GNL3: variants seen among roughly 807,000 people sequenced by gnomAD.
GNL3 encodes the protein guanine nucleotide-binding protein-like 3.
A neutral mutation model predicts 70.6 loss-of-function variants in GNL3; 77 were observed. The ratio of observed to expected loss-of-function variants is 1.09; its 90% CI spans 0.91 to 1.32. The LOEUF (loss-of-function observed/expected upper bound fraction) is 1.32. Among genes scored for constraint, GNL3 ranks in the 40% most tolerant of loss-of-function variants. The pLI, the probability that GNL3 is intolerant of heterozygous loss-of-function variation, is 0.00. For missense variants in GNL3, 634 were observed against 644.0 expected (o/e 0.98, Z 0.17); for synonymous variants, 252 against 216.1 (o/e 1.17, Z -1.46).
In GNL3 at chr3:52,692,878, G is replaced by C. The variant is rs776632750; in HGVS notation, c.876G>C (p.Met292Ile). ...VGVSMGLTRSMQVVPLDKQIT... is the reference protein window; with the variant it reads ...VGVSMGLTRSIQVVPLDKQIT... ...TCCATCGCTCTTCTTTCAGGAGCAT[G>C]CAAGTTGTCCCCTTGGACAAACAGA... The change falls in exon 10 of 15, where the codon ATG becomes ATC. Residue 292 changes from methionine (M) to isoleucine (I), a missense_variant. Transcript: ENST00000418458. 4 of 1,611,540 alleles carry C rather than the reference G, an allele frequency of 2.5e-6. No individual in the cohort carries two copies. The highest frequency in any genetic ancestry group is 8.5e-7 in the Non-Finnish European group (1 of 1,178,384).
intron 13 of GNL3, 72 bp from the exon 14 acceptor site, chr3:52,693,965 G>C: frequency 7.2e-7 from 1 of 1,385,514 alleles, no homozygotes; most frequent in Non-Finnish European, 1.0e-6. Flanking sequence ...TAATTTTTCA[G>C]GTACATAACT....
At position 52,690,975 on chromosome 3, in the gene GNL3, T is replaced by C. The variant is rs765069511; in HGVS notation, c.685T>C (p.Phe229Leu). Residue 229 changes from phenylalanine to leucine, a missense_variant, in exon 8 of 15, where the codon TTC becomes CTC. By Grantham distance (22) the Phe-to-Leu change is conservative (BLOSUM62 0). Coordinates refer to ENST00000418458, the MANE Select transcript of GNL3 (RefSeq NM_014366.5). ...RVKAKKNAAP[F>L]RSEVCFGKEG... Reference sequence around the variant, plus strand: ...GAAGGCAAAGAAGAATGCTGCTCCATTCAGAAGTGAAGTCTGCTTTGGGAA... The same window carrying C: ...GAAGGCAAAGAAGAATGCTGCTCCACTCAGAAGTGAAGTCTGCTTTGGGAA... 3 of 1,613,952 alleles carry C rather than the reference T, an allele frequency of 1.9e-6. No homozygotes were observed. The highest frequency in any genetic ancestry group is 2.5e-6 in the Non-Finnish European group (3 of 1,179,804).
intron 6 of GNL3, 35 bp from the exon 7 acceptor site, chr3:52,690,557 C>T: frequency 1.6e-6 from 2 of 1,267,942 alleles, no homozygotes; most frequent in Non-Finnish European, 1.2e-6. Flanking sequence ...GCCACCGTGC[C>T]TGGCCGCAAA....
chr3:52,685,990 T>C, upstream of GNL3: 1 of 768,312 alleles, frequency 1.3e-6, no homozygotes, highest in Non-Finnish European at 2.4e-6. Flanking sequence ...GTGACGCACT[T>C]TACGGCGGCA....
chr3:52,690,652 CAGT>C lies in GNL3; in HGVS notation c.603_605del (p.Val203del). ...AATTATTTGAAGAAAGAATTGCCAA[CAGT>C]GGTGTTCAGAGCCTCAACAAAACCA... On this transcript the variant is annotated inframe_deletion, in exon 7 of 15. Transcript: ENST00000418458. The C allele has an allele frequency of 6.2e-7, 1 of 1,610,986 alleles. No homozygotes were observed. Among genetic ancestry groups the C allele is most frequent in the African/African-American group, 1.3e-5 (1 of 74,958 alleles).
In GNL3 at chr3:52,694,443, C is replaced by T. The variant is rs1330921388; in HGVS notation, c.*168C>T. On this transcript the variant is annotated 3_prime_UTR_variant, in exon 15 of 15. Coordinates refer to ENST00000418458, the MANE Select transcript of GNL3 (RefSeq NM_014366.5). The stretch of plus-strand genomic sequence containing the variant: ...AATTCTGTAAAAAGACAATTCATCT[C>T]ATTGTGAGTGGAAGTAGTTATCTGG... 2 of 584,328 alleles carry T rather than the reference C, an allele frequency of 3.4e-6. No homozygotes were observed. The highest frequency in any genetic ancestry group is 6.1e-6 in the Non-Finnish European group (2 of 328,982). 36.2% of individuals were successfully genotyped at this position (584,328 alleles called of 1,614,324 possible). A position where few individuals can be genotyped will look rare whatever the true frequency, so the allele number is the denominator to read the frequency against.
In GNL3 at chr3:52,686,066, G is replaced by A. The variant is rs755470156; in HGVS notation, c.-27G>A. ...GTGGCGCCAGCGGAGGCAGGTTGAT[G>A]TGTTTGTGCTTCCTTCTACAGCCAA... is the stretch of plus-strand genomic sequence containing the variant. On this transcript the variant is annotated 5_prime_UTR_variant, in exon 1 of 15. It adds an upstream start codon to the 5' untranslated region. Transcript: ENST00000418458. 3 of 1,046,104 alleles carry A rather than the reference G, an allele frequency of 2.9e-6. No homozygotes were observed. The highest frequency in any genetic ancestry group is 1.6e-5 in the African/African-American group (1 of 64,350). 64.8% of individuals were successfully genotyped at this position (1,046,104 alleles called of 1,614,324 possible).
At chr3:52,686,905 G>A (rs1578563858) in intron 2 of GNL3, 78 bp downstream of exon 2, 1 of 1,101,368 alleles carries the variant, frequency 9.1e-7, no homozygotes, top group East Asian at 2.4e-5. Flanking sequence ...GGGAAAGTCT[G>A]GGTTAATGTG....
rs1223450175 is a variant in GNL3, at chr3:52,687,368, G to A, written c.195G>A (p.Glu65=). The change falls in exon 3 of 15, where the codon GAG becomes GAA. Residue 65 remains glutamate (E), a synonymous_variant. Transcript: ENST00000418458. The part of the protein sequence containing the change: ...PFKEALLREA[E]LRKQRLEELK... ...AGGAGGCTCTTCTTAGGGAAGCTGA[G>A]CTAAGGAAACAGAGGGTAAGTTATG... 1.9e-6 allele frequency: 3 copies of A among 1,613,668 alleles called. No individual in the cohort carries two copies. Among genetic ancestry groups the A allele is most frequent in the East Asian group, 2.2e-5 (1 of 44,894 alleles).
At position 52,692,955 on chromosome 3, in the gene GNL3, C is replaced by T. The variant is rs1441261440; in HGVS notation, c.953C>T (p.Ser318Phe). 5.0e-6 allele frequency: 8 copies of T among 1,613,592 alleles called. No homozygotes were observed. The highest frequency in any genetic ancestry group is 6.8e-6 in the Non-Finnish European group (8 of 1,179,590). Residue 318 changes from serine to phenylalanine, a missense_variant, in exon 10 of 15, where the codon TCT (serine) becomes TTT (phenylalanine). Physicochemically the swap from Ser to Phe is radical, Grantham distance 155. Transcript: ENST00000418458. ...ATCGTATCTCCACTTAATTCCTCCT[C>T]TGCGCTTGCTCTGCGAAGTCCAGCA... ...SFIVSPLNSSSALALRSPASI... is the reference protein window; with the variant it reads ...SFIVSPLNSSFALALRSPASI...
Position 52,687,623 on chromosome 3 carries a change from T to C in GNL3, c.324+8T>C. 1.3e-6 allele frequency: 2 copies of C among 1,504,582 alleles called. No homozygotes were observed. Among genetic ancestry groups the C allele is most frequent in the South Asian group, 1.1e-5 (1 of 88,460 alleles). The allele number at this position is 1,504,582 out of a possible 1,614,324, so 93.2% of individuals were successfully genotyped here. ...GTGGAACCTATGGAAAAGGTATGATTAGGTCTCTTTATGAATGAGAGATCA... is the reference window on the plus strand; with the variant it reads ...GTGGAACCTATGGAAAAGGTATGATCAGGTCTCTTTATGAATGAGAGATCA... On this transcript the variant is annotated splice_region_variant and intron_variant, in intron 4 of 14. Coordinates refer to ENST00000418458, the MANE Select transcript of GNL3 (RefSeq NM_014366.5).
intron 1 of GNL3, 132 bp from the exon 2 acceptor site, chr3:52,686,637 C>T: frequency 1.5e-6 from 1 of 671,908 alleles, no homozygotes; most frequent in Non-Finnish European, 2.6e-6. Flanking sequence ...CGTATGTTTG[C>T]ATTAGGCATT....
In GNL3 at chr3:52,693,174, T is replaced by C; in HGVS notation, c.1045-13T>C. The C allele has an allele frequency of 3.4e-6, 5 of 1,457,968 alleles. No homozygotes were observed. Among genetic ancestry groups the C allele is most frequent in the Non-Finnish European group, 2.8e-6 (3 of 1,068,736 alleles). The allele number at this position is 1,457,968 out of a possible 1,614,324, so 90.3% of individuals were successfully genotyped here. ...GATGAAGGACAGCTCCTTTGTTTGG[T>C]TTTTTTTTTAAGGTAGTACTGAAAT... On this transcript the variant is annotated splice_polypyrimidine_tract_variant and intron_variant, in intron 10 of 14. Transcript: ENST00000418458.
intron 5 of GNL3, among the ~76,000 whole-genome samples, chr3:52,688,622 G>A (rs1200832178): frequency 2.6e-5 from 4 of 152,132 alleles, no homozygotes; most frequent in Non-Finnish European, 2.9e-5. Context: ...TCAGGCTAAA[G>A]GTCTCTAAAG....
At chr3:52,686,863 A>G (rs767048778) in intron 2 of GNL3, 36 bp downstream of exon 2, 2 of 1,453,036 alleles carry the variant, frequency 1.4e-6, no homozygotes, top group Admixed American at 3.4e-5. Flanking sequence ...TACCAAACAC[A>G]TTGCTAAACT....
At position 52,686,779 on chromosome 3, in the gene GNL3, A is replaced by G. The variant is rs1161634567; in HGVS notation, c.24A>G (p.Lys8=). 6.8e-6 allele frequency: 11 copies of G among 1,611,940 alleles called. No individual in the cohort carries two copies. Among genetic ancestry groups the G allele is most frequent in the Non-Finnish European group, 8.5e-7 (1 of 1,178,058 alleles). The part of the protein sequence containing the change: MKRPKLK[K]ASKRMTCHKR... ...TGTGTTTCTTTGTAGAGTTAAAGAA[A>G]GCAAGTAAACGCATGACCTGCCATA... Residue 8 remains lysine (K), a synonymous_variant, in exon 2 of 15, where the codon AAA becomes AAG. Coordinates refer to ENST00000418458, the MANE Select transcript of GNL3 (RefSeq NM_014366.5).
chr3:52,693,969 C>A, intron 13 of GNL3, 68 bp from the exon 14 acceptor site: 1 of 1,411,648 alleles, frequency 7.1e-7, no homozygotes, highest in Non-Finnish European at 1.0e-6. Flanking sequence ...TTTTCAGGTA[C>A]ATAACTACTT....
intron 1 of GNL3, 111 bp from the exon 2 acceptor site, chr3:52,686,658 C>T: frequency 1.3e-6 from 1 of 780,754 alleles, no homozygotes; most frequent in South Asian, 1.6e-5. Context: ...TCGCATTAGA[C>T]TTAACGTTAG....
Position 52,688,151 on chromosome 3 carries a change from A to C in GNL3, c.367A>C (p.Lys123Gln). 4 of 1,611,984 alleles carry C rather than the reference A, an allele frequency of 2.5e-6. No individual in the cohort carries two copies. Among genetic ancestry groups the C allele is most frequent in the Non-Finnish European group, 3.4e-6 (4 of 1,177,992 alleles). ...CKTENKAKSGKQNSKKLYCQE... is the reference protein window; with the variant it reads ...CKTENKAKSGQQNSKKLYCQE... ...AACTGAGAACAAAGCCAAGTCGGGC[A>C]AACAGAATTCAAAGAAGCTGTACTG... The change falls in exon 5 of 15, where the codon AAA becomes CAA. Residue 123 changes from lysine to glutamine, a missense_variant. Physicochemically the swap from Lys to Gln is moderately conservative, Grantham distance 53. Transcript: ENST00000418458.
Sources: gnomAD v4.1 joint callset for allele counts (sites outside exome capture counted in the v4.1 genomes callset) on GRCh38, gnomAD v4.1.1 for gene constraint, MANE v1.5 for transcripts, NCBI Gene and HGNC (gene_info 2026-07-23, HGNC 2026-07-21) for gene names.